SH3RF3: variants seen among roughly 807,000 people sequenced by gnomAD.
SH3RF3 encodes SH3 domain containing ring finger 3.
SH3RF3 carries 29 observed loss-of-function variants against 66.3 expected under a neutral mutation model. The observed-to-expected ratio is 0.44, with a 90% CI of 0.33 to 0.60. SH3RF3 has a LOEUF of 0.60. Among genes scored for constraint, SH3RF3 ranks in the 20% least tolerant of loss-of-function variants. The pLI is 0.04. For missense variants in SH3RF3, 1,194 were observed against 1,190.9 expected (o/e 1.00, Z -0.04); for synonymous variants, 583 against 532.0 (o/e 1.10, Z -1.32).
intron 1 of SH3RF3, among the ~76,000 whole-genome samples, chr2:109,252,673 C>G (rs1457176436): frequency 3.3e-5 from 5 of 152,214 alleles, no homozygotes; most frequent in Non-Finnish European, 7.3e-5. Flanking sequence ...TACAGAACCT[C>G]ATAGCTCAGC....
intron 1 of SH3RF3, among the ~76,000 whole-genome samples, chr2:109,301,202 C>T (rs1412382630): frequency 2.6e-5 from 4 of 152,134 alleles, no homozygotes; most frequent in African/African-American, 7.2e-5. Flanking sequence ...GGTTCCTCTG[C>T]GCAGGCTGAT....
chr2:109,220,662 A>G (rs918946985), intron 1 of SH3RF3, among the ~76,000 whole-genome samples: 1 of 152,248 alleles, frequency 6.6e-6, no homozygotes, highest in African/African-American at 2.4e-5. Flanking sequence ...AAGCACATGA[A>G]AAGATGCTTC....
intron 1 of SH3RF3, among the ~76,000 whole-genome samples, chr2:109,131,023 A>G (rs889642991): frequency 1.2e-4 from 19 of 152,192 alleles, no homozygotes; most frequent in Non-Finnish European, 2.2e-4. Flanking sequence ...AAAAAAATAC[A>G]TTATCTATTG....
intron 8 of SH3RF3, among the ~76,000 whole-genome samples, chr2:109,484,948 A>C (rs1035310098): frequency 1.3e-5 from 2 of 152,198 alleles, no homozygotes; most frequent in Admixed American, 6.5e-5. Flanking sequence ...GTGGAGTTAA[A>C]GTGTACGATT....
chr2:109,443,332 C>T (rs1009318453), intron 7 of SH3RF3, among the ~76,000 whole-genome samples: 2 of 152,218 alleles, frequency 1.3e-5, no homozygotes, highest in African/African-American at 4.8e-5. Context: ...CTGCATTGTA[C>T]TGTGTTGCCC....
intron 5 of SH3RF3, 135 bp downstream of exon 5, chr2:109,419,777 A>T: frequency 1.3e-6 from 1 of 754,314 alleles, no homozygotes; most frequent in Non-Finnish European, 2.1e-6. Context: ...TGTGCGTCTA[A>T]TAACACCGCT....
intron 1 of SH3RF3, among the ~76,000 whole-genome samples, chr2:109,178,819 G>A (rs927662854): frequency 6.6e-6 from 1 of 152,222 alleles, no homozygotes; most frequent in South Asian, 2.1e-4. Flanking sequence ...CAAAATAATT[G>A]TGTTACAGTG....
rs769483783 is a variant in SH3RF3 at position 109,449,379 on chromosome 2, G to A, written c.2038G>A (p.Val680Ile). ...SAASAITPPN[V>I]SAANLNGEAG... is the part of the protein sequence containing the mutation. ...AGCATCAGCCATCACACCTCCCAACGTCAGTGCCGCAAACCTCAACGGGGA... is the reference window on the plus strand; with the variant it reads ...AGCATCAGCCATCACACCTCCCAACATCAGTGCCGCAAACCTCAACGGGGA... Residue 680 changes from valine to isoleucine, a missense_variant, in exon 8 of 10, where the codon GTC becomes ATC. Physicochemically the swap from Val to Ile is conservative, Grantham distance 29. Coordinates refer to ENST00000309415, the MANE Select transcript of SH3RF3 (RefSeq NM_001099289.3). 41 of 1,611,344 alleles carry A rather than the reference G, an allele frequency of 2.5e-5. No individual in the cohort carries two copies. The highest frequency in any genetic ancestry group is 3.4e-5 in the Non-Finnish European group (40 of 1,178,720).
At chr2:109,415,855 C>T (rs1676709492) in intron 4 of SH3RF3, among the ~76,000 whole-genome samples, 2 of 152,162 alleles carry the variant, frequency 1.3e-5, no homozygotes, top group Admixed American at 6.5e-5. Context: ...AAATTTAATC[C>T]CCCAGGCGCA....
chr2:109,324,963 C>G (rs537070499), intron 1 of SH3RF3, among the ~76,000 whole-genome samples: 10 of 152,324 alleles, frequency 6.6e-5, no homozygotes, highest in African/African-American at 2.4e-4. Context: ...TAGACAAATA[C>G]AATCACACAG....
At chr2:109,439,784 G>A (rs2104597218) in intron 7 of SH3RF3, among the ~76,000 whole-genome samples, 1 of 151,954 alleles carries the variant, frequency 6.6e-6, no homozygotes, top group Non-Finnish European at 1.5e-5. Flanking sequence ...GCAGGGGTCT[G>A]GAAACAGAGG....
chr2:109,491,235 A>C (rs1020773982), intron 9 of SH3RF3, among the ~76,000 whole-genome samples: 1 of 152,168 alleles, frequency 6.6e-6, no homozygotes, highest in Non-Finnish European at 1.5e-5. Flanking sequence ...GTGGGAGACT[A>C]GGCAGTGAGT....
intron 1 of SH3RF3, among the ~76,000 whole-genome samples, chr2:109,223,795 A>G (rs1335790598): frequency 5.9e-5 from 9 of 152,204 alleles, no homozygotes; most frequent in Non-Finnish European, 1.3e-4. Context: ...CTGGCACATG[A>G]AAGTGTTCAA....
At chr2:109,249,805 C>T (rs189600079) in intron 1 of SH3RF3, among the ~76,000 whole-genome samples, 232 of 151,442 alleles carry the variant, frequency 1.5e-3, no homozygotes, top group Non-Finnish European at 2.5e-3. Flanking sequence ...TACAGGCGCC[C>T]GCCACCGCGC....
chr2:109,189,680 A>G (rs1462712774), intron 1 of SH3RF3, among the ~76,000 whole-genome samples: 3 of 152,092 alleles, frequency 2.0e-5, no homozygotes, highest in Non-Finnish European at 4.4e-5. Flanking sequence ...AATTTAATGT[A>G]TTGTGTAATA....
intron 1 of SH3RF3, among the ~76,000 whole-genome samples, chr2:109,263,327 G>C (rs1680405090): frequency 6.6e-6 from 1 of 152,210 alleles, no homozygotes; most frequent in South Asian, 2.1e-4. Flanking sequence ...AAGGTGGGTA[G>C]ATCAACTAGC....
At chr2:109,319,703 C>T (rs1001120517) in intron 1 of SH3RF3, among the ~76,000 whole-genome samples, 9 of 152,198 alleles carry the variant, frequency 5.9e-5, no homozygotes, top group African/African-American at 4.8e-5. Context: ...AGTGCCGTGC[C>T]GGAGCCAAAT....
At chr2:109,328,339 C>A (rs543016388) in intron 1 of SH3RF3, among the ~76,000 whole-genome samples, 3 of 152,256 alleles carry the variant, frequency 2.0e-5, no homozygotes, top group African/African-American at 7.2e-5. Flanking sequence ...CACCTATTTC[C>A]TTCATGCCAT....
intron 1 of SH3RF3, among the ~76,000 whole-genome samples, chr2:109,270,033 C>T (rs540873642): frequency 1.3e-5 from 2 of 152,320 alleles, no homozygotes; most frequent in South Asian, 4.1e-4. Flanking sequence ...GCGATTGAAG[C>T]CACTGTCTGA....
Sources: gnomAD v4.1 joint callset for allele counts (sites outside exome capture counted in the v4.1 genomes callset) on GRCh38, gnomAD v4.1.1 for gene constraint, MANE v1.5 for transcripts, NCBI Gene and HGNC (gene_info 2026-07-23, HGNC 2026-07-21) for gene names.